The following VPS13B variants were observed in gnomAD, a reference collection of about 807,000 sequenced individuals.
VPS13B encodes intermembrane lipid transfer protein VPS13B.
A neutral mutation model predicts 426.4 loss-of-function variants in VPS13B; 285 were observed. The ratio of observed to expected loss-of-function variants is 0.67; its 90% CI spans 0.61 to 0.74. The LOEUF is 0.74. VPS13B is among the 30% of genes least tolerant of loss of function. VPS13B has a pLI of 0.00. For synonymous variants in VPS13B, 1,676 were observed against 1,676.4 expected (o/e 1.00, Z 0.01); for missense variants, 4,537 against 4,782.6 (o/e 0.95, Z 1.51).
intron 43 of VPS13B, chr8:99,796,553 C>G (rs1416795474): frequency 1.3e-5 from 2 of 152,130 alleles, no homozygotes; most frequent in African/African-American, 4.8e-5. Context: ...AAGGATTGAC[C>G]TTGAATGGGA....
intron 39 of VPS13B, among the ~76,000 whole-genome samples, chr8:99,726,656 C>T (rs1218087482): frequency 6.6e-6 from 1 of 152,104 alleles, no homozygotes; most frequent in African/African-American, 2.4e-5. Context: ...GATAAGGGAA[C>T]AGGAACAAAT....
chr8:99,623,129 T>C (rs1377047386), intron 33 of VPS13B, among the ~76,000 whole-genome samples: 1 of 152,112 alleles, frequency 6.6e-6, no homozygotes, highest in African/African-American at 2.4e-5. Flanking sequence ...ATCTAACCCC[T>C]CCATCAGTCT....
At chr8:99,228,628 GTT>G (rs11287992) in intron 17 of VPS13B, among the ~76,000 whole-genome samples, 7 of 150,830 alleles carry the variant, frequency 4.6e-5, no homozygotes, top group Non-Finnish European at 5.9e-5. Context: ...TAGTTTTAAA[GTT>G]TTTTTTTTTA....
intron 21 of VPS13B, among the ~76,000 whole-genome samples, chr8:99,407,274 TA>T (rs1261445868): frequency 6.6e-6 from 1 of 152,148 alleles, no homozygotes; most frequent in Non-Finnish European, 1.5e-5. Context: ...TCTTACCCTT[TA>T]AAAAAGGTAT....
intron 8 of VPS13B, among the ~76,000 whole-genome samples, chr8:99,126,972 G>A (rs900092877): frequency 6.6e-6 from 1 of 152,120 alleles, no homozygotes; most frequent in Non-Finnish European, 1.5e-5. Flanking sequence ...GCGTGTGCCT[G>A]TAGTACCAGA....
chr8:99,194,908 C>T (rs565858257), intron 17 of VPS13B, among the ~76,000 whole-genome samples: 33 of 152,120 alleles, frequency 2.2e-4, no homozygotes, highest in Admixed American at 1.6e-3. Flanking sequence ...TGCAGTGGCG[C>T]GATCTCGGCT....
intron 39 of VPS13B, among the ~76,000 whole-genome samples, chr8:99,757,869 ATG>A (rs1213122069): frequency 3.3e-5 from 5 of 152,246 alleles, no homozygotes; most frequent in Non-Finnish European, 4.4e-5. Flanking sequence ...GGAAAACAAA[ATG>A]TAATAAAAAA....
chr8:99,536,612 C>G (rs751404076), intron 30 of VPS13B: 1 of 533,070 alleles, frequency 1.9e-6, no homozygotes, highest in Non-Finnish European at 3.9e-6. Context: ...CCTGGGACCC[C>G]ATTATCCTTT....
intron 16 of VPS13B, among the ~76,000 whole-genome samples, chr8:99,175,468 A>G (rs778290743): frequency 6.6e-6 from 1 of 152,226 alleles, no homozygotes; most frequent in Non-Finnish European, 1.5e-5. Flanking sequence ...ACCATGCAAT[A>G]TACAAAAATT....
chr8:99,418,863 T>C (rs1458039087), intron 21 of VPS13B, among the ~76,000 whole-genome samples: 1 of 152,244 alleles, frequency 6.6e-6, no homozygotes, highest in East Asian at 1.9e-4. Context: ...ATCTAGAGCT[T>C]GCGCTCTTCT....
intron 28 of VPS13B, chr8:99,507,785 T>A: frequency 6.2e-7 from 1 of 1,614,060 alleles, no homozygotes; most frequent in African/African-American, 1.3e-5. Flanking sequence ...GGGAAGAGTG[T>A]TGGTCTTTGG....
At chr8:99,403,066 C>T (rs140029722) in intron 21 of VPS13B, among the ~76,000 whole-genome samples, 4 of 152,274 alleles carry the variant, frequency 2.6e-5, no homozygotes, top group African/African-American at 9.6e-5. Flanking sequence ...CTTATTGAAT[C>T]CCATAACCAA....
chr8:99,291,054 T>G (rs547694092), intron 19 of VPS13B, among the ~76,000 whole-genome samples: 1 of 152,072 alleles, frequency 6.6e-6, no homozygotes, highest in African/African-American at 2.4e-5. Flanking sequence ...TGGATGAGGA[T>G]AAATGACAGG....
In VPS13B at chr8:99,182,331, G is replaced by A. The variant is rs1812986537; in HGVS notation, c.2334-10545G>A. Among the ~76,000 whole-genome samples the A allele has an allele frequency of 2.6e-5, 4 of 152,136 alleles. No homozygotes were observed. In the South Asian group the frequency reaches 8.3e-4, roughly 32 times the overall value. ...TCTAAATTGCCTTTGGGAGGATGAA[G>A]GAGGAAGGATTGATTGGGAAGAACA... On this transcript the variant is annotated intron_variant, in intron 16 of 61. Coordinates refer to ENST00000357162, the MANE Select transcript of VPS13B (RefSeq NM_152564.5).
At position 99,575,738 on chromosome 8, in the gene VPS13B, CTGTCATTT is replaced by C. The variant is rs1233357170; in HGVS notation, c.5032_5039del (p.Val1678HisfsTer12). ...TCTGTCCGAATAACTGGAGCACCTG[CTGTCATTT>C]TCACCAAAGTAGTTTCTCCAGAAAA... On this transcript the variant is annotated frameshift_variant, in exon 32 of 62. Coordinates refer to ENST00000357162, the MANE Select transcript of VPS13B (RefSeq NM_152564.5). LOFTEE classifies it high-confidence loss of function. 1 of 1,613,808 alleles carries C rather than the reference CTGTCATTT, an allele frequency of 6.2e-7. No individual in the cohort carries two copies. The highest frequency in any genetic ancestry group is 1.1e-5 in the South Asian group (1 of 91,066).
chr8:99,619,377 G>A (rs1225705854), intron 33 of VPS13B, among the ~76,000 whole-genome samples: 3 of 152,160 alleles, frequency 2.0e-5, no homozygotes, highest in Admixed American at 6.5e-5. Context: ...AAAGTGGAAT[G>A]TATGGTGAGT....
chr8:99,270,483 C>G (rs577243825), intron 17 of VPS13B, among the ~76,000 whole-genome samples: 1 of 151,652 alleles, frequency 6.6e-6, no homozygotes, highest in African/African-American at 2.4e-5. Context: ...TGATAAGAGT[C>G]TTATATATAA....
intron 45 of VPS13B, among the ~76,000 whole-genome samples, 194 bp from the exon 46 acceptor site, chr8:99,818,257 T>C (rs1368797107): frequency 2.6e-5 from 4 of 152,216 alleles, no homozygotes; most frequent in Non-Finnish European, 5.9e-5. Context: ...TGGAAAGAGT[T>C]GGCCCCGCTG....
intron 19 of VPS13B, among the ~76,000 whole-genome samples, chr8:99,351,742 G>A (rs1248910883): frequency 1.3e-5 from 2 of 151,996 alleles, no homozygotes; most frequent in African/African-American, 2.4e-5. Flanking sequence ...ATGATATCAT[G>A]TGTACTTGTT....
Sources: gnomAD v4.1 joint callset for allele counts (sites outside exome capture counted in the v4.1 genomes callset) on GRCh38, gnomAD v4.1.1 for gene constraint, MANE v1.5 for transcripts, NCBI Gene and HGNC (gene_info 2026-07-23, HGNC 2026-07-21) for gene names.